Variants in DNAH6 observed in about 807,000 individuals in gnomAD.
DNAH6 encodes the protein axonemal beta dynein heavy chain 6.
Under a neutral mutation model 491.4 loss-of-function variants are expected in DNAH6, and 340 were observed. That is an observed-to-expected ratio of 0.69 (90% confidence interval 0.63 to 0.76). The LOEUF is 0.76. Among genes scored for constraint, DNAH6 ranks in the 30% least tolerant of loss-of-function variants. The pLI, the probability that DNAH6 is intolerant of heterozygous loss-of-function variation, is 0.00. For synonymous variants in DNAH6, 1,603 were observed against 1,686.1 expected, an observed-to-expected ratio of 0.95 and a Z score of 1.21; for missense variants, 4,443 against 4,972.2, an observed-to-expected ratio of 0.89 and a Z score of 3.20.
At chr2:84,725,223 T>A (rs1342734063) in intron 60 of DNAH6, among the ~76,000 whole-genome samples, 2 of 152,236 alleles carry the variant, frequency 1.3e-5, no homozygotes, top group Non-Finnish European at 2.9e-5. Flanking sequence ...ACAATTCTTA[T>A]GACAGCTTGA....
At chr2:84,693,305 G>T (rs777445560) in intron 45 of DNAH6, among the ~76,000 whole-genome samples, 10 of 152,092 alleles carry the variant, frequency 6.6e-5, no homozygotes, top group Non-Finnish European at 1.3e-4. Context: ...ACTCTCCACG[G>T]TACTCTATTT....
Position 84,681,367 on chromosome 2 carries a change from A to G in DNAH6, c.6755A>G (p.Asn2252Ser). ...SLKQIFQAIL[N>S]GFLSDFPPAV... is the part of the protein sequence containing the mutation. ...TGTTTCTGGTTCTAGGCCATCTTAA[A>G]TGGTTTCCTGAGTGACTTTCCACCA... is the stretch of plus-strand genomic sequence containing the variant. Residue 2252 changes from asparagine (N) to serine (S), a missense_variant, in exon 42 of 77, where the codon AAT (asparagine) becomes AGT (serine). Asn to Ser is a conservative substitution (Grantham distance 46). Transcript: ENST00000389394. 1.3e-6 allele frequency: 2 copies of G among 1,542,882 alleles called. No homozygotes were observed. Among genetic ancestry groups the G allele is most frequent in the African/African-American group, 1.4e-5 (1 of 72,716 alleles).
At chr2:84,541,176 T>C (rs973604485) in intron 4 of DNAH6, among the ~76,000 whole-genome samples, 1 of 152,140 alleles carries the variant, frequency 6.6e-6, no homozygotes, top group Non-Finnish European at 1.5e-5. Context: ...GGAGTCGTGG[T>C]TCAACTCCTG....
At chr2:84,482,547 T>C in the DNAH6 span, among the ~76,000 whole-genome samples, 1 of 152,224 alleles carries the variant, frequency 6.6e-6, no homozygotes, top group Non-Finnish European at 1.5e-5. Context: ...GAGAATTCTT[T>C]GTCTTCCTGC....
intron 33 of DNAH6, among the ~76,000 whole-genome samples, chr2:84,645,171 A>G (rs1573341996): frequency 6.6e-6 from 1 of 152,090 alleles, no homozygotes; most frequent in Admixed American, 6.6e-5. Flanking sequence ...TGTAATCCCA[A>G]CACTTTGGGA....
chr2:84,500,873 T>A, the DNAH6 span, among the ~76,000 whole-genome samples: 112 of 152,364 alleles, frequency 7.4e-4, no homozygotes, highest in African/African-American at 2.6e-3. Flanking sequence ...TATGTTGATT[T>A]TTGTATCCTG....
chr2:84,784,769 A>C lies in DNAH6; in HGVS notation c.10912A>C (p.Ser3638Arg), dbSNP rs1422025355. Residue 3638 changes from serine to arginine, a missense_variant, in exon 66 of 77, where the codon AGT (serine) becomes CGT (arginine). Physicochemically the swap from Ser to Arg is moderately radical, Grantham distance 110. Around this residue, in one of 3 missense-constraint regions of DNAH6, gnomAD observed 1,463 missense variants for 1,656.6 expected, o/e 0.88. Coordinates refer to ENST00000389394, the MANE Select transcript of DNAH6 (RefSeq NM_001370.2). ...TFRLFLSSMP[S>R]NTFPVTVLQN... ...TCGACTTTTTTTAAGCTCCATGCCTAGTAATACATTTCCTGTTACAGTTCT... is the reference window on the plus strand; with the variant it reads ...TCGACTTTTTTTAAGCTCCATGCCTCGTAATACATTTCCTGTTACAGTTCT... The C allele has an allele frequency of 1.3e-6, 2 of 1,550,724 alleles. No homozygotes were observed. The highest frequency in any genetic ancestry group is 1.7e-6 in the Non-Finnish European group (2 of 1,146,178).
intron 30 of DNAH6, 43 bp from the exon 31 acceptor site, chr2:84,637,167 A>T: frequency 6.8e-7 from 1 of 1,466,140 alleles, no homozygotes; most frequent in Non-Finnish European, 9.1e-7. Context: ...AAAATTTTAC[A>T]AGTGTCTGGA....
At chr2:84,711,726 C>T (rs1697065038) in intron 56 of DNAH6, among the ~76,000 whole-genome samples, 1 of 152,198 alleles carries the variant, frequency 6.6e-6, no homozygotes, top group Admixed American at 6.5e-5. Flanking sequence ...TTACACTATT[C>T]CCCACTCAAG....
the DNAH6 span, among the ~76,000 whole-genome samples, chr2:84,510,679 T>C: frequency 2.0e-5 from 3 of 152,310 alleles, no homozygotes; most frequent in East Asian, 5.8e-4. Flanking sequence ...GTTTTTCTGC[T>C]CTGTTTTTTC....
chr2:84,577,301 C>A lies in DNAH6; in HGVS notation c.1969C>A (p.His657Asn). The A allele has an allele frequency of 6.2e-7, 1 of 1,602,344 alleles. No homozygotes were observed. Residue 657 changes from histidine (H) to asparagine (N), a missense_variant, in exon 13 of 77, where the codon CAC becomes AAC. By Grantham distance (68) the His-to-Asn change is moderately conservative (BLOSUM62 1). Around this residue, in one of 3 missense-constraint regions of DNAH6, gnomAD observed 2,977 missense variants for 3,296.6 expected, o/e 0.90. Coordinates refer to ENST00000389394, the MANE Select transcript of DNAH6 (RefSeq NM_001370.2). ...ACAACTGGAAAAATATCACAAACAG[C>A]ACAAGGACGCAGTAGCGCTCAGACC... ...SEQLEKYHKQ[H>N]KDAVALRPTR...
chr2:84,483,869 G>T, the DNAH6 span, among the ~76,000 whole-genome samples: 3 of 152,076 alleles, frequency 2.0e-5, no homozygotes, highest in Admixed American at 6.6e-5. Context: ...TGACACCTTT[G>T]GGGGAGGGCT....
chr2:84,772,252 A>G lies in DNAH6; in HGVS notation c.10704-9241A>G, dbSNP rs1411852343. ...AAATCAGCAGAGAATCAAAATCAATATCTAACTAACAAAAAGAAGGCAGTG... is the reference window on the plus strand; with the variant it reads ...AAATCAGCAGAGAATCAAAATCAATGTCTAACTAACAAAAAGAAGGCAGTG... On this transcript the variant is annotated intron_variant, in intron 64 of 76. Transcript: ENST00000389394. Among the ~76,000 whole-genome samples the G allele has an allele frequency of 2.6e-5, 4 of 152,306 alleles. No individual in the cohort carries two copies. The East Asian group carries it at 7.7e-4, about 29-fold the overall frequency.
intron 22 of DNAH6, among the ~76,000 whole-genome samples, chr2:84,615,817 A>G (rs975848484): frequency 6.6e-5 from 10 of 151,734 alleles, no homozygotes; most frequent in African/African-American, 2.2e-4. Context: ...CAGCTATTGT[A>G]AAAGGGGTTG....
intron 62 of DNAH6, among the ~76,000 whole-genome samples, chr2:84,741,200 A>G (rs1672497934): frequency 6.6e-6 from 1 of 152,154 alleles, no homozygotes; most frequent in Non-Finnish European, 1.5e-5. Flanking sequence ...GCTGGGTGGC[A>G]GCAGCAGTCA....
chr2:84,781,487 A>T lies in DNAH6; in HGVS notation c.10704-6A>T. ...GATGATATTGTGTTCTTGCTGTTCA[A>T]TTCAGGGTGCAGTCAATTTCACTGG... On this transcript the variant is annotated splice_polypyrimidine_tract_variant and splice_region_variant and intron_variant, in intron 64 of 76. Transcript: ENST00000389394. The T allele has an allele frequency of 6.5e-7, 1 of 1,547,060 alleles. No homozygotes were observed. The highest frequency in any genetic ancestry group is 8.7e-7 in the Non-Finnish European group (1 of 1,143,826).
At chr2:84,480,639 A>G in the DNAH6 span, among the ~76,000 whole-genome samples, 1 of 152,216 alleles carries the variant, frequency 6.6e-6, no homozygotes, top group Non-Finnish European at 1.5e-5. Flanking sequence ...AACTAGTGCA[A>G]GCCTTCAGAC....
chr2:84,728,008 A>G, intron 61 of DNAH6, 106 bp downstream of exon 61: 1 of 714,640 alleles, frequency 1.4e-6, no homozygotes, highest in Non-Finnish European at 2.4e-6. Flanking sequence ...TGTAGGATGG[A>G]CCTGGTGGGA....
intron 22 of DNAH6, among the ~76,000 whole-genome samples, chr2:84,612,656 A>T (rs1221709502): frequency 6.6e-6 from 1 of 152,044 alleles, no homozygotes; most frequent in Non-Finnish European, 1.5e-5. Context: ...CCAGCCTGTA[A>T]CCTCAGGACA....
Sources: allele counts gnomAD v4.1 joint callset (sites outside exome capture counted in the v4.1 genomes callset), GRCh38; gene constraint gnomAD v4.1.1; regional missense constraint gnomAD v4.1.1; transcripts MANE v1.5; gene names NCBI Gene and HGNC (gene_info 2026-07-23, HGNC 2026-07-21).